The following CELA2B variants were observed in gnomAD, a reference collection of about 807,000 sequenced individuals.
CELA2B encodes the protein chymotrypsin-like elastase family member 2B.
A neutral mutation model predicts 36.5 loss-of-function variants in CELA2B; 27 were observed. The observed-to-expected ratio is 0.74, with a 90% CI of 0.55 to 1.02. CELA2B has a LOEUF of 1.02. Ranked by LOEUF, CELA2B falls within the 50% of genes least tolerant of loss-of-function variation. The pLI, the probability that CELA2B is intolerant of heterozygous loss-of-function variation, is 0.00. For missense variants in CELA2B, 340 were observed against 347.8 expected (o/e 0.98, Z 0.18); for synonymous variants, 143 against 148.5 (o/e 0.96, Z 0.27).
intron 2 of CELA2B, among the ~76,000 whole-genome samples, chr1:15,479,849 G>A (rs949624002): frequency 3.3e-5 from 5 of 152,198 alleles, no homozygotes; most frequent in African/African-American, 1.2e-4. Flanking sequence ...CCAGTGCAAA[G>A]GCCCTGAGGC....
intron 2 of CELA2B, among the ~76,000 whole-genome samples, chr1:15,478,018 G>A (rs1257150523): frequency 1.3e-5 from 2 of 152,068 alleles, no homozygotes; most frequent in Non-Finnish European, 2.9e-5. Context: ...TCCATGATAG[G>A]CCAGGCGTGG....
intron 7 of CELA2B, among the ~76,000 whole-genome samples, chr1:15,490,242 ATCTATCTATCTATC>A (rs1276985608): frequency 7.0e-5 from 10 of 142,926 alleles, no homozygotes; most frequent in African/African-American, 2.5e-4. Context: ...CTATCTATCT[ATCTATCTATCTATC>A]TATATACACA....
At chr1:15,491,266 G>T (rs1421786979) in intron 7 of CELA2B, 29 bp from the exon 8 acceptor site, 1 of 1,613,904 alleles carries the variant, frequency 6.2e-7, no homozygotes, top group African/African-American at 1.3e-5. Flanking sequence ...ACGTGAACCT[G>T]ACAATTTTCT....
At chr1:15,480,221 G>A (rs1446624475) in intron 2 of CELA2B, among the ~76,000 whole-genome samples, 2 of 152,074 alleles carry the variant, frequency 1.3e-5, no homozygotes, top group Non-Finnish European at 2.9e-5. Flanking sequence ...GAGCTGACAG[G>A]ACATCCCCTG....
rs1308898782 is a variant in CELA2B, at chr1:15,487,423, G to A, written c.778G>A (p.Asp260Asn). 15 of 1,614,078 alleles carry A rather than the reference G, an allele frequency of 9.3e-6. No homozygotes were observed. Among genetic ancestry groups the A allele is most frequent in the Middle Eastern group, 1.6e-4 (1 of 6,084 alleles). ...SIFTRVSNYN[D>N]WINSVIANN ...CTTCACGCGGGTCTCCAACTACAAC[G>A]ACTGGATCAATTCGGTAAGAACCGG... is the stretch of plus-strand genomic sequence containing the variant. The change falls in exon 7 of 8, where the codon GAC (aspartate) becomes AAC (asparagine). Residue 260 changes from aspartate (D) to asparagine (N), a missense_variant. Coordinates refer to ENST00000375910, the MANE Select transcript of CELA2B (RefSeq NM_015849.3).
chr1:15,480,575 C>G (rs1216459932), intron 2 of CELA2B, among the ~76,000 whole-genome samples: 2 of 152,068 alleles, frequency 1.3e-5, no homozygotes, highest in Non-Finnish European at 2.9e-5. Flanking sequence ...ACGGTGGCAG[C>G]AGGGAGAAGT....
At chr1:15,483,616 A>G (rs1420091556) in intron 5 of CELA2B, among the ~76,000 whole-genome samples, 1 of 152,234 alleles carries the variant, frequency 6.6e-6, no homozygotes, top group Non-Finnish European at 1.5e-5. Flanking sequence ...TCCAAGCTGC[A>G]CTTTTCTCAT....
In CELA2B at chr1:15,482,340, T is replaced by A; in HGVS notation, c.303T>A (p.Ser101Arg). ...YVAESGSLAV[S>R]VSKIVVHKDW... ...CAGAGTCCGGCTCGCTGGCCGTCAG[T>A]GTCTCTAAGATTGTGGTGCACAAGG... The change falls in exon 4 of 8, where the codon AGT (serine) becomes AGA (arginine). Residue 101 changes from serine to arginine, a missense_variant. Transcript: ENST00000375910. 6.2e-7 allele frequency: 1 copy of A among 1,614,152 alleles called. No homozygotes were observed. Among genetic ancestry groups the A allele is most frequent in the Non-Finnish European group, 8.5e-7 (1 of 1,180,022 alleles).
Position 15,486,030 on chromosome 1 carries a change from T to A in CELA2B, c.623T>A (p.Val208Glu). 1 of 1,613,578 alleles carries A rather than the reference T, an allele frequency of 6.2e-7. No homozygotes were observed. The highest frequency in any genetic ancestry group is 1.1e-5 in the South Asian group (1 of 91,030). Residue 208 changes from valine to glutamate, a missense_variant, in exon 6 of 8, where the codon GTG becomes GAG. Physicochemically the swap from Val to Glu is moderately radical, Grantham distance 121. Coordinates refer to ENST00000375910, the MANE Select transcript of CELA2B (RefSeq NM_015849.3). Reference sequence around the variant, plus strand: ...ATGATCTGTGCTGGGGGTGATGGCGTGATATGCACCTGCAACGTGAGTACC... The same window carrying A: ...ATGATCTGTGCTGGGGGTGATGGCGAGATATGCACCTGCAACGTGAGTACC... ...TNMICAGGDG[V>E]ICTCNGDSGG... is the part of the protein sequence containing the mutation.
At chr1:15,478,222 A>C (rs1280442449) in intron 2 of CELA2B, among the ~76,000 whole-genome samples, 3 of 34,784 alleles carry the variant, frequency 8.6e-5, no homozygotes, top group Non-Finnish European at 1.5e-4. Flanking sequence ...ATATATTGGG[A>C]TATATAGTTT....
chr1:15,476,207 G>A, intron 1 of CELA2B, 42 bp downstream of exon 1: 1 of 1,613,300 alleles, frequency 6.2e-7, no homozygotes, highest in Non-Finnish European at 8.5e-7. Flanking sequence ...CCATCCCCTG[G>A]TGGGGCTGGA....
intron 3 of CELA2B, 40 bp downstream of exon 3, chr1:15,481,235 C>T (rs150261602): frequency 0.012 from 19,628 of 1,612,044 alleles, 190 homozygotes; most frequent in South Asian, 0.018. Context: ...GCTCACCAGC[C>T]GGTGCTCATT....
At chr1:15,481,315 G>T in intron 3 of CELA2B, 120 bp downstream of exon 3, 1 of 1,188,484 alleles carries the variant, frequency 8.4e-7, no homozygotes, top group Non-Finnish European at 1.2e-6. Context: ...CACTAGCCTG[G>T]CCGAGACACA....
chr1:15,490,625 T>C (rs1570814968), intron 7 of CELA2B, among the ~76,000 whole-genome samples: 1 of 152,138 alleles, frequency 6.6e-6, no homozygotes, highest in African/African-American at 2.4e-5. Context: ...CCGAGCACTT[T>C]GGGAAGCCGA....
At chr1:15,478,922 T>C (rs1470919632) in intron 2 of CELA2B, among the ~76,000 whole-genome samples, 1 of 152,154 alleles carries the variant, frequency 6.6e-6, no homozygotes, top group Non-Finnish European at 1.5e-5. Context: ...GTGGCTTATG[T>C]TCCCCATTTC....
At chr1:15,477,991 C>T (rs1708692273) in intron 2 of CELA2B, among the ~76,000 whole-genome samples, 1 of 152,064 alleles carries the variant, frequency 6.6e-6, no homozygotes, top group African/African-American at 2.4e-5. Flanking sequence ...TTCATCTGCT[C>T]TTTGATTAAG....
intron 7 of CELA2B, among the ~76,000 whole-genome samples, chr1:15,489,225 G>A (rs1557527791): frequency 6.6e-6 from 1 of 152,178 alleles, no homozygotes. Flanking sequence ...CCGATCTGTT[G>A]TCCCAGCATC....
chr1:15,482,802 G>A (rs1326547919), intron 4 of CELA2B, among the ~76,000 whole-genome samples: 1 of 150,970 alleles, frequency 6.6e-6, no homozygotes, highest in Non-Finnish European at 1.5e-5. Context: ...TTCTTTTTTT[G>A]TGAGATGGAG....
chr1:15,481,366 T>C lies in CELA2B; in HGVS notation c.227+171T>C, dbSNP rs185343477. 2.6e-3 allele frequency among the ~76,000 whole-genome samples: 392 copies of C among 152,246 alleles called. 1 individual carries two copies. The highest frequency in any genetic ancestry group is 9.0e-3 in the African/African-American group (373 of 41,542). ...ATGGTTCAGTGTGTTGGCCCACCCA[T>C]GGGTCATTTCATGGCATGGATGGAG... On this transcript the variant is annotated intron_variant, in intron 3 of 7. Transcript: ENST00000375910.
Sources: allele counts gnomAD v4.1 joint callset (sites outside exome capture counted in the v4.1 genomes callset), GRCh38; gene constraint gnomAD v4.1.1; transcripts MANE v1.5; gene names NCBI Gene and HGNC (gene_info 2026-07-23, HGNC 2026-07-21).